The following CIBAR1 variants were observed in gnomAD, a reference collection of about 807,000 sequenced individuals.
The protein encoded by CIBAR1 is CBY1-interacting BAR domain-containing protein 1.
CIBAR1 carries 25 observed loss-of-function variants against 44.0 expected under a neutral mutation model. That is an observed-to-expected ratio of 0.57 (90% CI 0.41 to 0.79). The LOEUF is 0.79. Ranked by LOEUF, CIBAR1 falls within the 30% of genes least tolerant of loss-of-function variation. The pLI is 0.00. For synonymous variants in CIBAR1, 115 were observed against 119.0 expected (o/e 0.97, Z 0.22); for missense variants, 278 against 344.8 (o/e 0.81, Z 1.53).
rs1319671883 is a variant in CIBAR1 at position 93,700,598 on chromosome 8, A to G, written c.-50A>G. 1 of 1,462,128 alleles carries G rather than the reference A, an allele frequency of 6.8e-7. No homozygotes were observed. The highest frequency in any genetic ancestry group is 9.0e-7 in the Non-Finnish European group (1 of 1,105,634). The allele number at this position is 1,462,128 out of a possible 1,614,324, so 90.6% of individuals were successfully genotyped here. On this transcript the variant is annotated 5_prime_UTR_variant, in exon 1 of 9. Coordinates refer to ENST00000518322, the MANE Select transcript of CIBAR1 (RefSeq NM_145269.5). ...CCCAGCGCGCGCCCAGGCGCCTTGGAATCCCCGTCCTTGGGCCCCCGCAAG... is the reference window on the plus strand; with the variant it reads ...CCCAGCGCGCGCCCAGGCGCCTTGGGATCCCCGTCCTTGGGCCCCCGCAAG...
intron 7 of CIBAR1, among the ~76,000 whole-genome samples, chr8:93,725,585 T>A (rs1563651891): frequency 6.6e-6 from 1 of 152,104 alleles, no homozygotes; most frequent in Non-Finnish European, 1.5e-5. Flanking sequence ...GAAAGTTTTT[T>A]AAGTAGTTAT....
intron 7 of CIBAR1, among the ~76,000 whole-genome samples, chr8:93,723,121 T>C (rs542461029): frequency 6.3e-4 from 96 of 152,310 alleles, no homozygotes; most frequent in African/African-American, 2.3e-3. Flanking sequence ...TTCAGCCTCC[T>C]GACTAGCTGG....
Position 93,729,092 on chromosome 8 carries a change from C to A in CIBAR1, c.*795C>A, listed in dbSNP as rs765589310. 2 of 152,098 alleles carry A rather than the reference C, an allele frequency of 1.3e-5. No homozygotes were observed. The highest frequency in any genetic ancestry group is 2.9e-5 in the Non-Finnish European group (2 of 67,936). The allele number at this position is 152,098 out of a possible 1,614,324, so 9.4% of individuals were successfully genotyped here. ...ATTTCTGAAAATATAAAACATTGAGCCTTTCAGTGTATCTGATGCTTCTCT... is the reference window on the plus strand; with the variant it reads ...ATTTCTGAAAATATAAAACATTGAGACTTTCAGTGTATCTGATGCTTCTCT... On this transcript the variant is annotated 3_prime_UTR_variant, in exon 9 of 9. Transcript: ENST00000518322.
intron 7 of CIBAR1, among the ~76,000 whole-genome samples, chr8:93,723,092 A>G (rs1194045874): frequency 6.6e-6 from 1 of 151,942 alleles, no homozygotes. Context: ...CGCCTCCCGG[A>G]TTCACACCAT....
Position 93,729,176 on chromosome 8 carries a change from T to C in CIBAR1, c.*879T>C, listed in dbSNP as rs1028258913. 6.6e-6 allele frequency: 1 copy of C among 152,138 alleles called. No homozygotes were observed. Among genetic ancestry groups the C allele is most frequent in the African/African-American group, 2.4e-5 (1 of 41,466 alleles). The allele number at this position is 152,138 out of a possible 1,614,324, so 9.4% of individuals were successfully genotyped here. A position where few individuals can be genotyped will look rare whatever the true frequency, so the allele number is the denominator to read the frequency against. On this transcript the variant is annotated 3_prime_UTR_variant, in exon 9 of 9. Transcript: ENST00000518322. The stretch of plus-strand genomic sequence containing the variant: ...AGGCAGGCATATAAAAGTTACGGAA[T>C]TTATAAAATCATTTGGGATAATTAG...
At chr8:93,725,301 A>G (rs1057219464) in intron 7 of CIBAR1, among the ~76,000 whole-genome samples, 2 of 152,206 alleles carry the variant, frequency 1.3e-5, no homozygotes, top group African/African-American at 2.4e-5. Flanking sequence ...TTTATATATA[A>G]TAAGTGGCCT....
intron 6 of CIBAR1, among the ~76,000 whole-genome samples, chr8:93,711,122 T>A (rs1374059419): frequency 6.6e-6 from 1 of 152,182 alleles, no homozygotes; most frequent in Non-Finnish European, 1.5e-5. Context: ...TGAAACTTTC[T>A]TGGGGATCAT....
intron 7 of CIBAR1, 56 bp from the exon 8 acceptor site, chr8:93,726,338 A>C: frequency 7.0e-7 from 1 of 1,433,880 alleles, no homozygotes; most frequent in South Asian, 1.5e-5. Context: ...ACTTAATTTG[A>C]CTGTCTTGAT....
intron 2 of CIBAR1, chr8:93,701,990 T>C (rs2130270498): frequency 4.6e-6 from 1 of 218,818 alleles, no homozygotes; most frequent in East Asian, 1.2e-4. Flanking sequence ...TGTGGACTTT[T>C]TGCTCTGGGT....
chr8:93,722,425 G>A (rs1811299013), intron 7 of CIBAR1, among the ~76,000 whole-genome samples: 4 of 152,130 alleles, frequency 2.6e-5, no homozygotes, highest in South Asian at 2.1e-4. Flanking sequence ...TCAGCTGGGC[G>A]CGGTGGCTCA....
intron 2 of CIBAR1, chr8:93,702,236 C>A (rs775523180): frequency 2.3e-6 from 1 of 430,112 alleles, no homozygotes; most frequent in South Asian, 1.7e-5. Context: ...TCATTGCTAT[C>A]CATACAAATT....
rs987587653 is a variant in CIBAR1 at position 93,728,539 on chromosome 8, G to A, written c.*242G>A. On this transcript the variant is annotated 3_prime_UTR_variant, in exon 9 of 9. Coordinates refer to ENST00000518322, the MANE Select transcript of CIBAR1 (RefSeq NM_145269.5). Reference sequence around the variant, plus strand: ...GTAAGTGCCTTTTTTTTTAAAGATGGTGTATTTCAAAGTATTTCATATTAA... The same window carrying A: ...GTAAGTGCCTTTTTTTTTAAAGATGATGTATTTCAAAGTATTTCATATTAA... 3.6e-5 allele frequency: 12 copies of A among 333,328 alleles called. No homozygotes were observed. The highest frequency in any genetic ancestry group is 5.0e-5 in the Admixed American group (1 of 19,996). The allele number at this position is 333,328 out of a possible 1,614,324, so 20.6% of individuals were successfully genotyped here. A position where few individuals can be genotyped will look rare whatever the true frequency, so the allele number is the denominator to read the frequency against.
chr8:93,708,258 C>G (rs1810682493), intron 5 of CIBAR1, among the ~76,000 whole-genome samples: 1 of 152,084 alleles, frequency 6.6e-6, no homozygotes, highest in Non-Finnish European at 1.5e-5. Context: ...AGAATTTAAT[C>G]CGAAAACTGG....
At chr8:93,700,818 A>G in intron 1 of CIBAR1, 145 bp downstream of exon 1, 1 of 1,328,240 alleles carries the variant, frequency 7.5e-7, no homozygotes, top group Non-Finnish European at 9.6e-7. Flanking sequence ...CCTGGGGCCT[A>G]ATTCCTTGGG....
intron 2 of CIBAR1, chr8:93,702,503 C>T: frequency 2.2e-6 from 1 of 455,280 alleles, no homozygotes; most frequent in Non-Finnish European, 4.4e-6. Flanking sequence ...ATTTCCCTTG[C>T]TTACCAAATG....
intron 6 of CIBAR1, among the ~76,000 whole-genome samples, chr8:93,716,369 T>C (rs1386251173): frequency 6.6e-6 from 1 of 151,780 alleles, no homozygotes; most frequent in Non-Finnish European, 1.5e-5. Flanking sequence ...TTTTTTTTAA[T>C]ATGACAATGT....
At chr8:93,700,727 A>G in intron 1 of CIBAR1, 54 bp downstream of exon 1, 2 of 1,463,690 alleles carry the variant, frequency 1.4e-6, no homozygotes, top group Non-Finnish European at 1.8e-6. Context: ...GGCTGGGGTG[A>G]GGGAAGTGGA....
chr8:93,701,172 C>T (rs1810335339), intron 1 of CIBAR1, 52 bp from the exon 2 acceptor site: 1 of 1,566,804 alleles, frequency 6.4e-7, no homozygotes, highest in Admixed American at 1.9e-5. Context: ...TAACGTGAAG[C>T]CTTCTCATCT....
chr8:93,716,113 G>A (rs899828138), intron 6 of CIBAR1: 2 of 152,210 alleles, frequency 1.3e-5, no homozygotes, highest in African/African-American at 4.8e-5. Flanking sequence ...GCATGATCTT[G>A]GGTTACTGCA....
Sources: gnomAD v4.1 joint callset for allele counts (sites outside exome capture counted in the v4.1 genomes callset) on GRCh38, gnomAD v4.1.1 for gene constraint, MANE v1.5 for transcripts, NCBI Gene and HGNC (gene_info 2026-07-23, HGNC 2026-07-21) for gene names.